The following GLT1D1 variants were observed in gnomAD, a reference collection of about 807,000 sequenced individuals.
GLT1D1 encodes the protein glycosyltransferase 1 domain containing 1.
Under a neutral mutation model 28.7 loss-of-function variants are expected in GLT1D1, and 21 were observed. The observed-to-expected ratio is 0.73, with a 90% CI of 0.52 to 1.05. The LOEUF (loss-of-function observed/expected upper bound fraction) is 1.05. GLT1D1 is among the 50% of genes least tolerant of loss of function. GLT1D1 has a pLI of 0.00. For synonymous variants in GLT1D1, 147 were observed against 124.8 expected (o/e 1.18, Z -1.19); for missense variants, 343 against 330.6 (o/e 1.04, Z -0.29).
At chr12:128,898,331 C>G (rs1317308889) in intron 3 of GLT1D1, among the ~76,000 whole-genome samples, 1 of 152,098 alleles carries the variant, frequency 6.6e-6, no homozygotes, top group East Asian at 1.9e-4. Context: ...CTCAACTATG[C>G]CCAGCTGATT....
At chr12:128,878,560 T>C (rs1394801132) in intron 2 of GLT1D1, among the ~76,000 whole-genome samples, 2 of 152,216 alleles carry the variant, frequency 1.3e-5, no homozygotes, top group South Asian at 2.1e-4. Flanking sequence ...CTGAAAGTAT[T>C]ATTTCTAGAG....
In GLT1D1 at chr12:128,957,560, G is replaced by T; in HGVS notation, c.556G>T (p.Val186Leu). Residue 186 changes from valine (V) to leucine (L), a missense_variant, in exon 7 of 8, where the codon GTA becomes TTA. Val to Leu is a conservative substitution (Grantham distance 32). Transcript: ENST00000281703. ...TCTCCTCCAGGCAATGGATTTAGAA[G>T]TACCGGTATTGGCCAGGAACATCCC... 1 of 1,612,938 alleles carries T rather than the reference G, an allele frequency of 6.2e-7. No individual in the cohort carries two copies. Among genetic ancestry groups the T allele is most frequent in the South Asian group, 1.1e-5 (1 of 91,060 alleles).
chr12:128,903,530 A>G (rs947658485), intron 4 of GLT1D1, among the ~76,000 whole-genome samples: 4 of 151,520 alleles, frequency 2.6e-5, no homozygotes, highest in Admixed American at 2.6e-4. Context: ...GCCACACTTC[A>G]TGCTTGTCTC....
At chr12:128,979,590 G>GA (rs559028647) in intron 7 of GLT1D1, among the ~76,000 whole-genome samples, 207 of 152,150 alleles carry the variant, frequency 1.4e-3, no homozygotes, top group African/African-American at 4.6e-3. Context: ...CCCGTCTCCA[G>GA]AAAAAATACA....
rs374597920 is a variant in GLT1D1, at chr12:128,956,171, A to AAAAAAAAAAAAAAAAAAAAAAAAAAAGAG, written c.541-1373_541-1372insAAAAAAAAAAAAAAAAAAAAAAAAAGAGA. 2.7e-4 allele frequency among the ~76,000 whole-genome samples: 17 copies of AAAAAAAAAAAAAAAAAAAAAAAAAAAGAG among 63,968 alleles called. 2 individuals carry two copies. Among genetic ancestry groups the AAAAAAAAAAAAAAAAAAAAAAAAAAAGAG allele is most frequent in the East Asian group, 1.2e-3 (3 of 2,446 alleles). 42.0% of individuals were successfully genotyped at this position (63,968 alleles called of 152,430 possible). ...GAGACTCCATCTCAAAAAAAAAAAA[A>AAAAAAAAAAAAAAAAAAAAAAAAAAAGAG]AGAGAAAGAGAGAAAGAAAGAAAGA... On this transcript the variant is annotated intron_variant, in intron 6 of 7. Transcript: ENST00000281703.
At chr12:128,969,691 C>T (rs573405923) in intron 7 of GLT1D1, among the ~76,000 whole-genome samples, 2 of 152,322 alleles carry the variant, frequency 1.3e-5, no homozygotes, top group Admixed American at 6.5e-5. Context: ...GCTTGCATCG[C>T]GTCTGGAATT....
intron 4 of GLT1D1, 77 bp downstream of exon 4, chr12:128,899,364 C>A: frequency 2.5e-6 from 3 of 1,190,532 alleles, no homozygotes; most frequent in Non-Finnish European, 3.8e-6. Context: ...GGCAGCCTTA[C>A]TGAGCTGACA....
intron 7 of GLT1D1, among the ~76,000 whole-genome samples, chr12:128,980,299 G>T (rs1880198670): frequency 6.6e-6 from 1 of 152,204 alleles, no homozygotes; most frequent in African/African-American, 2.4e-5. Flanking sequence ...TTTTGGAAGT[G>T]GAGACAGGGT....
intron 7 of GLT1D1, among the ~76,000 whole-genome samples, chr12:128,980,144 C>T (rs10847729): frequency 0.13 from 19,240 of 152,216 alleles, 1,448 homozygotes; most frequent in Non-Finnish European, 0.17. Flanking sequence ...ACCACCCTGT[C>T]GAGGGAGCCA....
At chr12:128,952,461 ATTTC>A (rs201173458) in intron 6 of GLT1D1, among the ~76,000 whole-genome samples, 7 of 102,252 alleles carry the variant, frequency 6.8e-5, no homozygotes, top group Admixed American at 1.0e-4. Flanking sequence ...GAAAAGGGAA[ATTTC>A]TTTCTTTTTT....
intron 4 of GLT1D1, among the ~76,000 whole-genome samples, chr12:128,942,755 TG>T (rs1435170610): frequency 0.012 from 668 of 55,952 alleles, 59 homozygotes; most frequent in African/African-American, 0.035. Flanking sequence ...TTTTGTTTTT[TG>T]TTTTTTTTTT....
intron 4 of GLT1D1, among the ~76,000 whole-genome samples, chr12:128,942,909 C>T (rs1393753859): frequency 6.6e-6 from 1 of 152,102 alleles, no homozygotes; most frequent in East Asian, 1.9e-4. Context: ...CCATCCAGCC[C>T]GAGTAATTTT....
At chr12:128,870,020 C>T (rs1452375203) in intron 1 of GLT1D1, among the ~76,000 whole-genome samples, 1 of 150,906 alleles carries the variant, frequency 6.6e-6, no homozygotes, top group African/African-American at 2.5e-5. Flanking sequence ...AAGCAATTCT[C>T]CTGCCTCAGC....
chr12:128,964,148 T>C (rs900566538), intron 7 of GLT1D1, among the ~76,000 whole-genome samples: 10 of 152,186 alleles, frequency 6.6e-5, no homozygotes, highest in Admixed American at 1.3e-4. Context: ...CCCAGCACTT[T>C]GGGAGGCCAG....
At chr12:128,944,573 C>T in intron 4 of GLT1D1, 1 of 753,050 alleles carries the variant, frequency 1.3e-6, no homozygotes, top group Non-Finnish European at 2.5e-6. Context: ...ATCCAGTGAG[C>T]AGTAAGGCGT....
chr12:128,890,512 G>A (rs1395974694), intron 3 of GLT1D1, among the ~76,000 whole-genome samples: 6 of 152,154 alleles, frequency 3.9e-5, no homozygotes, highest in African/African-American at 9.7e-5. Context: ...GGCCGGGCAC[G>A]GTGACTCAGG....
intron 1 of GLT1D1, among the ~76,000 whole-genome samples, chr12:128,869,590 A>G (rs1011522774): frequency 2.0e-5 from 3 of 152,098 alleles, no homozygotes; most frequent in Admixed American, 6.6e-5. Flanking sequence ...ATATTTACGT[A>G]TAAGTAGTAA....
intron 5 of GLT1D1, among the ~76,000 whole-genome samples, chr12:128,946,204 C>T (rs547364744): frequency 2.0e-5 from 3 of 152,080 alleles, no homozygotes; most frequent in South Asian, 2.1e-4. Context: ...CGGGGAAGAT[C>T]GAAGAAAGGC....
chr12:128,883,408 G>A (rs767851601), intron 2 of GLT1D1, among the ~76,000 whole-genome samples: 2 of 150,670 alleles, frequency 1.3e-5, no homozygotes, highest in African/African-American at 2.4e-5. Flanking sequence ...TGGCCAACAC[G>A]GTGAAACCCC....
Sources: gnomAD v4.1 joint callset for allele counts (sites outside exome capture counted in the v4.1 genomes callset) on GRCh38, gnomAD v4.1.1 for gene constraint, MANE v1.5 for transcripts, NCBI Gene and HGNC (gene_info 2026-07-23, HGNC 2026-07-21) for gene names.